INO80: variants seen among roughly 807,000 people sequenced by gnomAD.
INO80 encodes INO80 complex ATPase subunit.
In INO80, 20 loss-of-function variants were observed where a neutral mutation model predicts 203.4. The observed-to-expected ratio is 0.10, with a 90% CI of 0.07 to 0.14. INO80 has a LOEUF of 0.14. INO80 is among the 10% of genes least tolerant of loss of function. INO80 has a pLI of 1.00. For missense variants in INO80, 1,419 were observed against 1,914.4 expected, an observed-to-expected ratio of 0.74 and a Z score of 4.83; for synonymous variants, 726 against 685.2, an observed-to-expected ratio of 1.06 and a Z score of -0.93.
chr15:41,032,042 GCACA>G (rs1566919721), intron 24 of INO80, among the ~76,000 whole-genome samples: 2,282 of 92,304 alleles, frequency 0.025, 131 homozygotes, highest in African/African-American at 0.074. Context: ...GCACAGCACA[GCACA>G]GCACAGCACA....
In INO80 at chr15:41,044,893, T is replaced by A. The variant is rs1157241931; in HGVS notation, c.2907+11A>T. ...ACTAAGTAGGTAATTTATGCTCAAA[T>A]AATTGCTTACCTTTAACAAAGGGCA... On this transcript the variant is annotated intron_variant, in intron 24 of 35. Coordinates refer to ENST00000648947, the MANE Select transcript of INO80 (RefSeq NM_017553.3). 74 of 1,587,346 alleles carry A rather than the reference T, an allele frequency of 4.7e-5. No individual in the cohort carries two copies. Among genetic ancestry groups the A allele is most frequent in the Non-Finnish European group, 5.8e-5 (68 of 1,171,762 alleles).
chr15:41,115,402 A>C (rs766076356), intron 1 of INO80, among the ~76,000 whole-genome samples: 7 of 152,230 alleles, frequency 4.6e-5, no homozygotes, highest in Non-Finnish European at 8.8e-5. Context: ...CTAAAAAACC[A>C]GAAGAGGTGT....
At chr15:41,041,431 CTTTT>C (rs201157790) in intron 24 of INO80, among the ~76,000 whole-genome samples, 1 of 141,592 alleles carries the variant, frequency 7.1e-6, no homozygotes, top group Non-Finnish European at 1.6e-5. Context: ...GCTTCTAGTT[CTTTT>C]TTTTTTTTTT....
At chr15:41,107,884 G>A (rs528016135) in intron 1 of INO80, among the ~76,000 whole-genome samples, 1 of 151,022 alleles carries the variant, frequency 6.6e-6, no homozygotes, top group South Asian at 2.1e-4. Context: ...GGTGGATCAC[G>A]AGGTCAGAAG....
At chr15:41,107,406 CAGG>C in intron 1 of INO80, among the ~76,000 whole-genome samples, 1 of 152,068 alleles carries the variant, frequency 6.6e-6, no homozygotes, top group Non-Finnish European at 1.5e-5. Context: ...GAGGCTGAGG[CAGG>C]AGAATTGCTT....
intron 29 of INO80, among the ~76,000 whole-genome samples, chr15:40,996,926 A>G (rs3101440): frequency 0.96 from 145,701 of 152,296 alleles, 69,994 homozygotes; most frequent in East Asian, 1. Context: ...TAAATGTCTC[A>G]AACAGTATCA....
At chr15:41,102,048 G>A (rs1566950037) in intron 1 of INO80, among the ~76,000 whole-genome samples, 1 of 151,992 alleles carries the variant, frequency 6.6e-6, no homozygotes, top group Non-Finnish European at 1.5e-5. Flanking sequence ...AAAAGTAGCT[G>A]GGCTTGGTGG....
In INO80 at chr15:41,075,316, G is replaced by C. The variant is rs574502073; in HGVS notation, c.1132-751C>G. Among the ~76,000 whole-genome samples, 5 of 151,870 alleles carry C rather than the reference G, an allele frequency of 3.3e-5. No individual in the cohort carries two copies. In the South Asian group the frequency reaches 1.0e-3, roughly 32 times the overall value. ...AGACAAGTCTAACTGTGTGGGCCAG[G>C]CTGGAGTGCAATGGCACAATCTGAG... On this transcript the variant is annotated intron_variant, in intron 9 of 35. Transcript: ENST00000648947.
intron 15 of INO80, 101 bp from the exon 16 acceptor site, chr15:41,058,882 G>C: frequency 9.2e-7 from 1 of 1,089,848 alleles, no homozygotes; most frequent in Non-Finnish European, 1.3e-6. Flanking sequence ...GTTTAAGACA[G>C]CCCTGAAGAT....
chr15:41,110,597 C>T (rs954951401), intron 1 of INO80, among the ~76,000 whole-genome samples: 3 of 152,160 alleles, frequency 2.0e-5, no homozygotes, highest in African/African-American at 7.2e-5. Context: ...CACCACCACA[C>T]CCGGCTAATT....
intron 19 of INO80, 48 bp from the exon 20 acceptor site, chr15:41,050,150 A>T (rs375088192): frequency 9.4e-6 from 13 of 1,377,794 alleles, no homozygotes; most frequent in Non-Finnish European, 1.3e-5. Flanking sequence ...GTTTTTAAGA[A>T]AATTCAGCAT....
intron 27 of INO80, among the ~76,000 whole-genome samples, chr15:41,009,470 A>G (rs555485732): frequency 4.8e-5 from 7 of 144,698 alleles, no homozygotes; most frequent in Admixed American, 1.5e-4. Context: ...CCTATGAGTG[A>G]GAATATGCAG....
chr15:41,067,021 G>A lies in INO80; in HGVS notation c.1782+2549C>T, dbSNP rs117235383. On this transcript the variant is annotated intron_variant, in intron 14 of 35. Transcript: ENST00000648947. ...AATATCACATTGCCATCTATCAGCA[G>A]TGGAAGAGCTACTGAAAACTTAAGT... 9.1e-3 allele frequency among the ~76,000 whole-genome samples: 1,387 copies of A among 152,242 alleles called. 13 individuals carry two copies. Among genetic ancestry groups the A allele is most frequent in the Non-Finnish European group, 0.015 (1,035 of 68,014 alleles).
intron 1 of INO80, among the ~76,000 whole-genome samples, chr15:41,109,583 G>A (rs888168347): frequency 6.6e-6 from 1 of 152,000 alleles, no homozygotes; most frequent in Non-Finnish European, 1.5e-5. Flanking sequence ...GATCACCTGA[G>A]GTCAGGAGTT....
chr15:41,061,328 C>A (rs532696619), intron 14 of INO80, among the ~76,000 whole-genome samples: 1 of 146,906 alleles, frequency 6.8e-6, no homozygotes, highest in East Asian at 2.1e-4. Flanking sequence ...AAGTTTAGGC[C>A]GGGCACAGTG....
At position 41,079,849 on chromosome 15, in the gene INO80, T is replaced by C; in HGVS notation, c.983A>G (p.Asn328Ser). ...VRRAALQAQK[N>S]CKETLPRARR... ...GGCACGAGGCAAGGTTTCCTTACAG[T>C]TCTTCTGGGCCTGCAAGGCAGCTCG... Residue 328 changes from asparagine to serine, a missense_variant, in exon 9 of 36, where the codon AAC (asparagine) becomes AGC (serine). Asn to Ser is a conservative substitution (Grantham distance 46). This residue lies in a region of INO80 where 87 missense variants were observed against 150.5 expected (regional missense o/e 0.58). Transcript: ENST00000648947. 1.2e-6 allele frequency: 2 copies of C among 1,614,140 alleles called. No homozygotes were observed. The highest frequency in any genetic ancestry group is 1.7e-6 in the Non-Finnish European group (2 of 1,180,038).
chr15:41,046,149 GT>G lies in INO80; in HGVS notation c.2736-1075del, dbSNP rs1213059494. ...AGCCTAAACAGTTTATATTTAAGGG[GT>G]GTGTGTGTGTCTGTGTGTGTGTGTG... On this transcript the variant is annotated intron_variant, in intron 23 of 35. Coordinates refer to ENST00000648947, the MANE Select transcript of INO80 (RefSeq NM_017553.3). 2.0e-4 allele frequency among the ~76,000 whole-genome samples: 25 copies of G among 122,426 alleles called. 1 individual carries two copies. In the East Asian group the frequency reaches 2.9e-3, roughly 14 times the overall value. 80.3% of individuals were successfully genotyped at this position (122,426 alleles called of 152,430 possible). A position where few individuals can be genotyped will look rare whatever the true frequency, so the allele number is the denominator to read the frequency against.
intron 14 of INO80, among the ~76,000 whole-genome samples, chr15:41,062,744 C>T (rs1453730196): frequency 6.6e-6 from 1 of 152,134 alleles, no homozygotes; most frequent in African/African-American, 2.4e-5. Context: ...CTCTTCTGCT[C>T]CTCTGCCTTC....
At position 41,051,709 on chromosome 15, in the gene INO80, C is replaced by T. The variant is rs1207390415; in HGVS notation, c.2275-1607G>A. On this transcript the variant is annotated intron_variant, in intron 19 of 35. Coordinates refer to ENST00000648947, the MANE Select transcript of INO80 (RefSeq NM_017553.3). ...GTGGCTCATGCCTATAATCCCAGCACTTTGGGAGGCCGAGGTGGGTGGATC... is the reference window on the plus strand; with the variant it reads ...GTGGCTCATGCCTATAATCCCAGCATTTTGGGAGGCCGAGGTGGGTGGATC... Among the ~76,000 whole-genome samples the T allele has an allele frequency of 2.0e-5, 3 of 152,104 alleles. No homozygotes were observed. In the East Asian group the frequency reaches 5.8e-4, roughly 29 times the overall value.
Sources: allele counts gnomAD v4.1 joint callset (sites outside exome capture counted in the v4.1 genomes callset), GRCh38; gene constraint gnomAD v4.1.1; regional missense constraint gnomAD v4.1.1; transcripts MANE v1.5; gene names NCBI Gene and HGNC (gene_info 2026-07-23, HGNC 2026-07-21).